Variants in SDCCAG8 observed in about 807,000 individuals in gnomAD.
The protein encoded by SDCCAG8 is SHH signaling and ciliogenesis regulator SDCCAG8.
In SDCCAG8, 74 loss-of-function variants were observed where a neutral mutation model predicts 101.8. The observed-to-expected ratio is 0.73, with a 90% CI of 0.60 to 0.88. The LOEUF is 0.88. Among genes scored for constraint, SDCCAG8 ranks in the 40% least tolerant of loss-of-function variants. The pLI, the probability that SDCCAG8 is intolerant of heterozygous loss-of-function variation, is 0.00. For missense variants in SDCCAG8, 787 were observed against 822.6 expected, an observed-to-expected ratio of 0.96 and a Z score of 0.53; for synonymous variants, 281 against 292.9, an observed-to-expected ratio of 0.96 and a Z score of 0.41.
intron 17 of SDCCAG8, among the ~76,000 whole-genome samples, chr1:243,493,697 A>G (rs1050421033): frequency 3.3e-5 from 5 of 152,090 alleles, no homozygotes; most frequent in African/African-American, 1.2e-4. Flanking sequence ...CATTCTTGGC[A>G]GTGAATTTAC....
intron 13 of SDCCAG8, among the ~76,000 whole-genome samples, chr1:243,403,898 C>G (rs552955275): frequency 6.6e-6 from 1 of 152,132 alleles, no homozygotes; most frequent in Non-Finnish European, 1.5e-5. Context: ...GGAATGCAGT[C>G]GAATCATCCC....
intron 15 of SDCCAG8, among the ~76,000 whole-genome samples, chr1:243,425,725 T>C (rs768323583): frequency 2.0e-5 from 3 of 152,182 alleles, no homozygotes; most frequent in Non-Finnish European, 4.4e-5. Context: ...CTTTCTGATC[T>C]TCAAATTTTG....
intron 10 of SDCCAG8, among the ~76,000 whole-genome samples, chr1:243,339,596 A>G (rs989622426): frequency 9.2e-5 from 14 of 152,242 alleles, no homozygotes; most frequent in Admixed American, 8.5e-4. Flanking sequence ...GTAAAAAACC[A>G]TAAGTCAAAT....
intron 12 of SDCCAG8, among the ~76,000 whole-genome samples, chr1:243,350,173 A>G (rs2076002456): frequency 6.6e-6 from 1 of 152,182 alleles, no homozygotes; most frequent in East Asian, 1.9e-4. Context: ...TAAGGAGAAG[A>G]AGGCCTGCCT....
At chr1:243,282,039 A>C (rs1473416228) in intron 4 of SDCCAG8, among the ~76,000 whole-genome samples, 1 of 152,074 alleles carries the variant, frequency 6.6e-6, no homozygotes, top group Non-Finnish European at 1.5e-5. Context: ...GCTGTAGTGC[A>C]GTGACTCCAT....
At chr1:243,320,421 C>T (rs1463513885) in intron 9 of SDCCAG8, among the ~76,000 whole-genome samples, 1 of 152,208 alleles carries the variant, frequency 6.6e-6, no homozygotes, top group Non-Finnish European at 1.5e-5. Context: ...ACAGTCTCCA[C>T]ATTCTTTCCC....
At chr1:243,258,551 C>T (rs2066940618) in intron 1 of SDCCAG8, among the ~76,000 whole-genome samples, 1 of 152,056 alleles carries the variant, frequency 6.6e-6, no homozygotes, top group Non-Finnish European at 1.5e-5. Context: ...ATTACAGGCA[C>T]GCGCCACCAT....
chr1:243,325,792 T>C (rs1490534936), intron 9 of SDCCAG8, among the ~76,000 whole-genome samples: 1 of 152,220 alleles, frequency 6.6e-6, no homozygotes, highest in Non-Finnish European at 1.5e-5. Flanking sequence ...ATAATCCATG[T>C]ATACCACTTA....
chr1:243,394,243 G>A (rs1321859038), intron 13 of SDCCAG8, among the ~76,000 whole-genome samples: 1 of 152,144 alleles, frequency 6.6e-6, no homozygotes, highest in Non-Finnish European at 1.5e-5. Flanking sequence ...GTATAACATA[G>A]CCATATGCTA....
intron 10 of SDCCAG8, among the ~76,000 whole-genome samples, chr1:243,332,160 G>C (rs992326631): frequency 2.0e-5 from 3 of 152,170 alleles, no homozygotes; most frequent in African/African-American, 7.2e-5. Flanking sequence ...ATTTGGAGAA[G>C]GCCCTGATGG....
At chr1:243,475,555 C>T (rs975581943) in intron 16 of SDCCAG8, among the ~76,000 whole-genome samples, 9 of 152,150 alleles carry the variant, frequency 5.9e-5, no homozygotes, top group African/African-American at 1.2e-4. Flanking sequence ...ACCCCTCGTC[C>T]GCTCTCAGAT....
rs533194343 is a variant in SDCCAG8 at position 243,324,488 on chromosome 1, A to G, written c.1069-6052A>G. Among the ~76,000 whole-genome samples the G allele has an allele frequency of 1.1e-4, 14 of 130,610 alleles. No individual in the cohort carries two copies. The East Asian group carries it at 3.4e-3, about 32-fold the overall frequency. 85.7% of individuals were successfully genotyped at this position (130,610 alleles called of 152,430 possible). ...TTTTTTTTTTTTTTTTTTCAGAGAC[A>G]GGGCCTCACTCTGTCACCCAGGCTC... is the stretch of plus-strand genomic sequence containing the variant. On this transcript the variant is annotated intron_variant, in intron 9 of 17. Transcript: ENST00000366541.
At chr1:243,286,845 ATT>A (rs2069668956) in intron 5 of SDCCAG8, among the ~76,000 whole-genome samples, 1 of 152,220 alleles carries the variant, frequency 6.6e-6, no homozygotes, top group South Asian at 2.1e-4. Flanking sequence ...TAGTCTTCCC[ATT>A]TCCCTAAGAA....
intron 5 of SDCCAG8, among the ~76,000 whole-genome samples, chr1:243,291,070 G>A (rs2070202755): frequency 6.6e-6 from 1 of 152,160 alleles, no homozygotes; most frequent in Non-Finnish European, 1.5e-5. Flanking sequence ...TACTACTTTA[G>A]GTGAATGTAG....
intron 12 of SDCCAG8, among the ~76,000 whole-genome samples, chr1:243,372,302 T>G (rs2077337650): frequency 6.6e-6 from 1 of 152,104 alleles, no homozygotes; most frequent in African/African-American, 2.4e-5. Context: ...TTCTGTAATT[T>G]TTCTTCTCCC....
At chr1:243,358,036 T>C (rs1007372536) in intron 12 of SDCCAG8, among the ~76,000 whole-genome samples, 5 of 152,112 alleles carry the variant, frequency 3.3e-5, no homozygotes, top group Non-Finnish European at 7.4e-5. Flanking sequence ...GATTAGGTAA[T>C]GGTTTCTTAG....
intron 8 of SDCCAG8, among the ~76,000 whole-genome samples, chr1:243,314,071 TCAAAA>T: frequency 6.6e-6 from 1 of 152,172 alleles, no homozygotes; most frequent in East Asian, 1.9e-4. Flanking sequence ...ACTGGCTGAG[TCAAAA>T]CAAAACCAAA....
chr1:243,355,088 T>C (rs1466440984), intron 12 of SDCCAG8, among the ~76,000 whole-genome samples: 1 of 152,242 alleles, frequency 6.6e-6, no homozygotes, highest in African/African-American at 2.4e-5. Context: ...AGTTTTCATA[T>C]TACTCTTCTT....
rs994375679 is a variant in SDCCAG8, at chr1:243,416,203, G to A, written c.1744+374G>A. Among the ~76,000 whole-genome samples the A allele has an allele frequency of 6.6e-6, 1 of 152,136 alleles. No individual in the cohort carries two copies. Among genetic ancestry groups the A allele is most frequent in the East Asian group, 1.9e-4 (1 of 5,186 alleles). ...AAGAAAATAGCATCAGAAGCTCTGC[G>A]GGAAATGCTCTGAGCTTACAGTTAG... On this transcript the variant is annotated intron_variant, in intron 14 of 17. Transcript: ENST00000366541. This position sits in a 1 kb window ranked among gnomAD's most constrained non-coding sequence, Gnocchi z 4.3.
Sources: allele counts gnomAD v4.1 joint callset (sites outside exome capture counted in the v4.1 genomes callset), GRCh38; gene constraint gnomAD v4.1.1; non-coding constraint Gnocchi (gnomAD v3.1); transcripts MANE v1.5; gene names NCBI Gene and HGNC (gene_info 2026-07-23, HGNC 2026-07-21).